The following PDCL2 variants were observed in gnomAD, a reference collection of about 807,000 sequenced individuals.
The protein encoded by PDCL2 is phosducin-like protein 2.
PDCL2 carries 23 observed loss-of-function variants against 30.3 expected under a neutral mutation model. The ratio of observed to expected loss-of-function variants is 0.76; its 90% CI spans 0.55 to 1.08. PDCL2 has a LOEUF of 1.08. PDCL2 is among the 50% of genes least tolerant of loss of function. PDCL2 has a pLI of 0.00. For synonymous variants in PDCL2, 68 were observed against 86.2 expected, an observed-to-expected ratio of 0.79 and a Z score of 1.17; for missense variants, 243 against 282.3, an observed-to-expected ratio of 0.86 and a Z score of 1.00.
At position 55,584,437 on chromosome 4, in the gene PDCL2, A is replaced by T. The variant is rs552104505; in HGVS notation, c.7-2200T>A. Among the ~76,000 whole-genome samples, 313 of 152,064 alleles carry T rather than the reference A, an allele frequency of 2.1e-3. 1 individual carries two copies. The highest frequency in any genetic ancestry group is 3.9e-3 in the Non-Finnish European group (262 of 67,962). Reference sequence around the variant, plus strand: ...TCGCCCGGCTAATTTTTGTATTTTTAGTAGAGATGAGGTTTCACCATGTTG... The same window carrying T: ...TCGCCCGGCTAATTTTTGTATTTTTTGTAGAGATGAGGTTTCACCATGTTG... On this transcript the variant is annotated intron_variant, in intron 1 of 5. Coordinates refer to ENST00000295645, the MANE Select transcript of PDCL2 (RefSeq NM_152401.3).
intron 4 of PDCL2, among the ~76,000 whole-genome samples, chr4:55,566,809 T>A (rs55905219): frequency 0.98 from 149,687 of 152,238 alleles, 73,640 homozygotes; most frequent in East Asian, 1. Flanking sequence ...CTGAGAAGGT[T>A]TACTTAAAGT....
At chr4:55,571,409 T>G (rs1371300797) in intron 3 of PDCL2, among the ~76,000 whole-genome samples, 1 of 151,102 alleles carries the variant, frequency 6.6e-6, no homozygotes, top group Non-Finnish European at 1.5e-5. Flanking sequence ...CATTTTTAGC[T>G]GGGCGCAGTG....
chr4:55,572,562 C>T (rs1287281510), intron 3 of PDCL2, among the ~76,000 whole-genome samples: 1 of 152,180 alleles, frequency 6.6e-6, no homozygotes, highest in Non-Finnish European at 1.5e-5. Context: ...GGATACTATG[C>T]TCCACACCTG....
At chr4:55,576,409 C>G (rs750618207) in intron 3 of PDCL2, among the ~76,000 whole-genome samples, 2 of 152,156 alleles carry the variant, frequency 1.3e-5, no homozygotes, top group Non-Finnish European at 2.9e-5. Context: ...TGGTTTCTAA[C>G]TTCTCTTTTT....
At chr4:55,573,643 C>T (rs1732487765) in intron 3 of PDCL2, among the ~76,000 whole-genome samples, 1 of 151,802 alleles carries the variant, frequency 6.6e-6, no homozygotes, top group Admixed American at 6.6e-5. Flanking sequence ...CCCAGCTACT[C>T]CAGAGACTGA....
At chr4:55,578,046 C>A (rs1036107527) in intron 3 of PDCL2, among the ~76,000 whole-genome samples, 2 of 152,118 alleles carry the variant, frequency 1.3e-5, no homozygotes, top group African/African-American at 4.8e-5. Context: ...GAGGTAGAAG[C>A]TTTAAGGTCT....
chr4:55,591,420 C>T (rs1732996897), intron 1 of PDCL2, among the ~76,000 whole-genome samples: 1 of 152,178 alleles, frequency 6.6e-6, no homozygotes, highest in South Asian at 2.1e-4. Context: ...GGCGCAGTCT[C>T]ACTCTGCCGC....
intron 1 of PDCL2, among the ~76,000 whole-genome samples, chr4:55,590,051 G>T (rs11939971): frequency 0.77 from 115,597 of 150,998 alleles, 44,600 homozygotes; most frequent in East Asian, 0.9. Context: ...ACAAAAATTA[G>T]CCAGGCGTGG....
At chr4:55,578,269 C>G (rs989495567) in intron 3 of PDCL2, among the ~76,000 whole-genome samples, 9 of 152,174 alleles carry the variant, frequency 5.9e-5, no homozygotes, top group Admixed American at 5.9e-4. Flanking sequence ...GTAATAAGAA[C>G]ACAGAACCCC....
intron 1 of PDCL2, among the ~76,000 whole-genome samples, chr4:55,584,151 C>CT (rs1168036312): frequency 6.6e-6 from 1 of 151,890 alleles, no homozygotes; most frequent in African/African-American, 2.4e-5. Flanking sequence ...TAAGTATTTA[C>CT]TTTTTTGTAA....
chr4:55,574,088 A>C (rs1732501338), intron 3 of PDCL2, among the ~76,000 whole-genome samples: 1 of 152,166 alleles, frequency 6.6e-6, no homozygotes, highest in Non-Finnish European at 1.5e-5. Context: ...AATTTGCTTT[A>C]AATCAGCACT....
chr4:55,578,779 A>G (rs1364695164), intron 3 of PDCL2, among the ~76,000 whole-genome samples: 1 of 152,172 alleles, frequency 6.6e-6, no homozygotes, highest in Non-Finnish European at 1.5e-5. Context: ...CTAAGATAGT[A>G]TCTGCCTATA....
At chr4:55,580,744 C>CAAGACA (rs1732687375) in intron 3 of PDCL2, 77 bp downstream of exon 3, 4 of 1,048,388 alleles carry the variant, frequency 3.8e-6, no homozygotes, top group Non-Finnish European at 5.3e-6. Context: ...ATCTATGTGA[C>CAAGACA]AAGACAAATC....
chr4:55,586,254 G>A (rs1422887881), intron 1 of PDCL2, among the ~76,000 whole-genome samples: 1 of 152,072 alleles, frequency 6.6e-6, no homozygotes, highest in African/African-American at 2.4e-5. Context: ...GTTTCCACAT[G>A]TTTGTTAATT....
At position 55,592,205 on chromosome 4, in the gene PDCL2, C is replaced by G. The variant is rs1733023758; in HGVS notation, c.-96G>C. On this transcript the variant is annotated 5_prime_UTR_variant, in exon 1 of 6. Transcript: ENST00000295645. Reference sequence around the variant, plus strand: ...CAGCCTTCTCCAGGCTGGAAGAGCGCCCGCTTCAGGCCCGGCGGTTTCGAG... The same window carrying G: ...CAGCCTTCTCCAGGCTGGAAGAGCGGCCGCTTCAGGCCCGGCGGTTTCGAG... The G allele has an allele frequency of 6.5e-7, 1 of 1,548,172 alleles. No homozygotes were observed. The highest frequency in any genetic ancestry group is 8.8e-7 in the Non-Finnish European group (1 of 1,142,750).
chr4:55,564,143 AC>A (rs1295399874), intron 4 of PDCL2, among the ~76,000 whole-genome samples: 2 of 152,238 alleles, frequency 1.3e-5, no homozygotes, highest in East Asian at 3.8e-4. Flanking sequence ...AAATGAGTCC[AC>A]TAATATCTAA....
intron 3 of PDCL2, 38 bp from the exon 4 acceptor site, chr4:55,569,899 G>C: frequency 7.3e-7 from 1 of 1,362,508 alleles, no homozygotes; most frequent in South Asian, 1.5e-5. Flanking sequence ...TAAGAATACT[G>C]TCATATTCTT....
intron 5 of PDCL2, among the ~76,000 whole-genome samples, chr4:55,558,094 T>C (rs752245087): frequency 1.4e-5 from 2 of 142,414 alleles, no homozygotes; most frequent in Non-Finnish European, 1.5e-5. Context: ...GCCATTGCAC[T>C]CCAGTTGGGC....
Position 55,556,653 on chromosome 4 carries a change from G to A in PDCL2, c.630C>T (p.Pro210=). ...GAIQTDLEEN[P]RKDMVDMMVS... is the part of the protein sequence containing the mutation. ...CCATCATATCTACCATGTCTTTTCTGGGGTTTTCTTCCAAATCAGTCTGTA... is the reference window on the plus strand; with the variant it reads ...CCATCATATCTACCATGTCTTTTCTAGGGTTTTCTTCCAAATCAGTCTGTA... The change falls in exon 6 of 6, where the codon CCC becomes CCT. Residue 210 remains proline, a synonymous_variant. Transcript: ENST00000295645. The A allele has an allele frequency of 6.4e-7, 1 of 1,570,448 alleles. No homozygotes were observed. The highest frequency in any genetic ancestry group is 8.7e-7 in the Non-Finnish European group (1 of 1,155,782).
Sources: gnomAD v4.1 joint callset for allele counts (sites outside exome capture counted in the v4.1 genomes callset) on GRCh38, gnomAD v4.1.1 for gene constraint, MANE v1.5 for transcripts, NCBI Gene and HGNC (gene_info 2026-07-23, HGNC 2026-07-21) for gene names.